Variants in OTUD7B observed in about 807,000 individuals in gnomAD.
The protein encoded by OTUD7B is OTU deubiquitinase 7B, also known as OTU domain-containing protein 7B.
In OTUD7B, 34 loss-of-function variants were observed where a neutral mutation model predicts 82.2. The ratio of observed to expected loss-of-function variants is 0.41; its 90% CI spans 0.31 to 0.55. The LOEUF is 0.55. OTUD7B is among the 20% of genes least tolerant of loss of function. The pLI, the probability that OTUD7B is intolerant of heterozygous loss-of-function variation, is 0.20. For synonymous variants in OTUD7B, 398 were observed against 402.7 expected, an observed-to-expected ratio of 0.99 and a Z score of 0.14; for missense variants, 944 against 1,062.1, an observed-to-expected ratio of 0.89 and a Z score of 1.55.
intron 1 of OTUD7B, among the ~76,000 whole-genome samples, chr1:149,992,277 C>T (rs1451228770): frequency 6.6e-6 from 1 of 152,022 alleles, no homozygotes; most frequent in Non-Finnish European, 1.5e-5. Context: ...TTATGTTTTG[C>T]TCATCACTAC....
chr1:149,977,024 G>A, intron 2 of OTUD7B, among the ~76,000 whole-genome samples: 1 of 152,160 alleles, frequency 6.6e-6, no homozygotes, highest in Non-Finnish European at 1.5e-5. Flanking sequence ...AGGAGTCTGA[G>A]GCAGGAGAAT....
At chr1:150,065,054 TA>T in the OTUD7B span, among the ~76,000 whole-genome samples, 2 of 150,454 alleles carry the variant, frequency 1.3e-5, no homozygotes, top group African/African-American at 2.5e-5. Flanking sequence ...CTTACATATT[TA>T]CAAGCCTAAA....
At chr1:149,950,913 T>C (rs1352472720) in intron 7 of OTUD7B, among the ~76,000 whole-genome samples, 2 of 145,210 alleles carry the variant, frequency 1.4e-5, no homozygotes, top group African/African-American at 5.1e-5. Flanking sequence ...TGCCTCAGCC[T>C]CCCGAGTAGC....
At chr1:149,970,956 G>T in intron 3 of OTUD7B, 107 bp downstream of exon 3, 1 of 1,068,538 alleles carries the variant, frequency 9.4e-7, no homozygotes. Context: ...CTGGGAGAAG[G>T]GGAAGAAATG....
the OTUD7B span, among the ~76,000 whole-genome samples, chr1:150,063,358 T>C: frequency 6.6e-6 from 1 of 152,002 alleles, no homozygotes; most frequent in Admixed American, 6.5e-5. Context: ...GGCTGAGGCA[T>C]GATAATCACT....
chr1:150,055,657 T>C, the OTUD7B span, among the ~76,000 whole-genome samples: 13 of 152,172 alleles, frequency 8.5e-5, 1 homozygote, highest in Admixed American at 3.9e-4. Context: ...CAATGACAGA[T>C]TGGATAAAGA....
chr1:149,986,241 A>T (rs1226130580), intron 1 of OTUD7B, among the ~76,000 whole-genome samples: 8 of 148,406 alleles, frequency 5.4e-5, no homozygotes, highest in African/African-American at 2.0e-4. Flanking sequence ...ACCCCATCAC[A>T]CACACACACA....
At chr1:150,048,960 G>A in the OTUD7B span, among the ~76,000 whole-genome samples, 9 of 152,064 alleles carry the variant, frequency 5.9e-5, no homozygotes, top group Admixed American at 2.0e-4. Flanking sequence ...CGCCTCCTGA[G>A]TGGCTAGGAT....
At chr1:150,040,729 A>G in the OTUD7B span, among the ~76,000 whole-genome samples, 1 of 79,932 alleles carries the variant, frequency 1.3e-5, no homozygotes, top group African/African-American at 5.8e-5. Context: ...TTTTTTTTTG[A>G]GATGGAGTCT....
chr1:150,022,426 A>AAAAAAAAAAT, the OTUD7B span, among the ~76,000 whole-genome samples: 2 of 100,828 alleles, frequency 2.0e-5, no homozygotes, highest in African/African-American at 4.0e-5. Context: ...AAAAAAAATA[A>AAAAAAAAAAT]CTACATGCTG....
chr1:149,997,846 T>C (rs1191889660), intron 1 of OTUD7B, among the ~76,000 whole-genome samples: 3 of 152,094 alleles, frequency 2.0e-5, no homozygotes, highest in East Asian at 3.9e-4. Context: ...ACCCATCTCT[T>C]CTCAAGCAAT....
rs890636788 is a variant in OTUD7B at position 149,966,526 on chromosome 1, A to C, written c.503-648T>G. Among the ~76,000 whole-genome samples the C allele has an allele frequency of 3.9e-5, 6 of 152,366 alleles. 1 individual carries two copies. In the South Asian group the frequency reaches 1.2e-3, roughly 32 times the overall value. The stretch of plus-strand genomic sequence containing the variant: ...AGGAATGAGCAATAAGATAAAGTAC[A>C]TAAAATATCCAAGAAAATAAGTCTT... On this transcript the variant is annotated intron_variant, in intron 4 of 11. Coordinates refer to ENST00000581312, the MANE Select transcript of OTUD7B (RefSeq NM_020205.4).
chr1:150,053,666 G>A, the OTUD7B span, among the ~76,000 whole-genome samples: 2 of 151,990 alleles, frequency 1.3e-5, no homozygotes, highest in Admixed American at 1.3e-4. Context: ...AAAGTGCTTG[G>A]ATTACAGGCA....
rs1647233208 is a variant in OTUD7B at position 149,941,177 on chromosome 1, A to T, written c.*2680T>A. The stretch of plus-strand genomic sequence containing the variant: ...TTATAAATAAAAACAAACATGATAC[A>T]AGGTTTTTTGTTCATTTGTCCTTAG... On this transcript the variant is annotated 3_prime_UTR_variant, in exon 12 of 12. Transcript: ENST00000581312. The T allele has an allele frequency of 6.6e-6, 1 of 152,196 alleles. No homozygotes were observed. The highest frequency in any genetic ancestry group is 2.4e-5 in the African/African-American group (1 of 41,438). The allele number at this position is 152,196 out of a possible 1,614,324, so 9.4% of individuals were successfully genotyped here.
intron 1 of OTUD7B, among the ~76,000 whole-genome samples, chr1:149,997,512 T>G (rs1415919319): frequency 6.6e-6 from 1 of 152,150 alleles, no homozygotes; most frequent in East Asian, 1.9e-4. Flanking sequence ...AGCTTTCAAC[T>G]CAAGCAAGCC....
At chr1:150,015,784 G>A in the OTUD7B span, among the ~76,000 whole-genome samples, 3 of 152,112 alleles carry the variant, frequency 2.0e-5, no homozygotes, top group African/African-American at 7.2e-5. Flanking sequence ...AGTAGAGGGG[G>A]CGGGGGCTGA....
chr1:150,063,862 G>A, the OTUD7B span, among the ~76,000 whole-genome samples: 69 of 152,254 alleles, frequency 4.5e-4, no homozygotes, highest in African/African-American at 1.4e-3. Context: ...TAGACACTAA[G>A]CCTCTGAAAT....
the OTUD7B span, among the ~76,000 whole-genome samples, chr1:150,023,047 G>A: frequency 3.9e-5 from 6 of 152,302 alleles, no homozygotes; most frequent in Middle Eastern, 3.4e-3. Flanking sequence ...TATATGTTCT[G>A]AAAGCAGAAT....
At position 149,965,778 on chromosome 1, in the gene OTUD7B, A is replaced by C. The variant is rs782189228; in HGVS notation, c.603T>G (p.Leu201=). The C allele has an allele frequency of 5.6e-6, 9 of 1,611,022 alleles. No individual in the cohort carries two copies. The highest frequency in any genetic ancestry group is 6.8e-6 in the Non-Finnish European group (8 of 1,177,366). ...TGGAGGACTGCTTTCAAGACTCACC[A>C]AGGGAGGCTGCATGCAGGAGGCAGT... The part of the protein sequence containing the change: ...DGNCLLHAAS[L]GMWGFHDRDL... Residue 201 remains leucine (L), a splice_region_variant and synonymous_variant, in exon 5 of 12, where the codon CTT becomes CTG. Transcript: ENST00000581312.
Sources: gnomAD v4.1 joint callset for allele counts (sites outside exome capture counted in the v4.1 genomes callset) on GRCh38, gnomAD v4.1.1 for gene constraint, MANE v1.5 for transcripts, NCBI Gene and HGNC (gene_info 2026-07-23, HGNC 2026-07-21) for gene names.